ADAMTS2: variants seen among roughly 807,000 people sequenced by gnomAD.
The protein encoded by ADAMTS2 is A disintegrin and metalloproteinase with thrombospondin motifs 2.
In ADAMTS2, 50 loss-of-function variants were observed where a neutral mutation model predicts 123.0. The observed-to-expected ratio is 0.41, with a 90% confidence interval of 0.32 to 0.51. The LOEUF is 0.51. Among genes scored for constraint, ADAMTS2 ranks in the 20% least tolerant of loss-of-function variants. The pLI is 0.35. For missense variants in ADAMTS2, 1,494 were observed against 1,705.2 expected, an observed-to-expected ratio of 0.88 and a Z score of 2.18; for synonymous variants, 678 against 695.4, an observed-to-expected ratio of 0.98 and a Z score of 0.39.
rs1554126026 is a variant in ADAMTS2 at position 179,153,451 on chromosome 5, C to A, written c.1515+40G>T. The A allele has an allele frequency of 3.1e-6, 5 of 1,601,986 alleles. No homozygotes were observed. In the African/African-American group the frequency reaches 4.0e-5, roughly 13 times the overall value. ...GCCCCTACACCAGCACGCCTCCCCCCAGACCTGGGAGGGTCCCGGCTGCAG... is the reference window on the plus strand; with the variant it reads ...GCCCCTACACCAGCACGCCTCCCCCAAGACCTGGGAGGGTCCCGGCTGCAG... On this transcript the variant is annotated intron_variant, in intron 9 of 21. Transcript: ENST00000251582.
intron 2 of ADAMTS2, among the ~76,000 whole-genome samples, chr5:179,278,839 C>T (rs895625847): frequency 6.6e-6 from 1 of 151,826 alleles, no homozygotes; most frequent in Non-Finnish European, 1.5e-5. Flanking sequence ...CAACGCCTGC[C>T]CTGCCTCTTC....
chr5:179,214,424 C>A (rs1450017068), intron 3 of ADAMTS2, among the ~76,000 whole-genome samples: 1 of 152,134 alleles, frequency 6.6e-6, no homozygotes, highest in Non-Finnish European at 1.5e-5. Context: ...AGTAGAAAAC[C>A]TGAAGAAACC....
chr5:179,321,293 A>G (rs1757165353), intron 2 of ADAMTS2, among the ~76,000 whole-genome samples: 1 of 152,002 alleles, frequency 6.6e-6, no homozygotes, highest in Non-Finnish European at 1.5e-5. Context: ...ACTCACATCT[A>G]AGACTGCACA....
At chr5:179,179,928 T>C (rs1764009030) in intron 5 of ADAMTS2, among the ~76,000 whole-genome samples, 1 of 152,190 alleles carries the variant, frequency 6.6e-6, no homozygotes. Flanking sequence ...GATCCTATTA[T>C]GATTTGATTT....
Position 179,228,094 on chromosome 5 carries a change from G to T in ADAMTS2, c.689-20379C>A, listed in dbSNP as rs139614682. Among the ~76,000 whole-genome samples the T allele has an allele frequency of 2.5e-4, 38 of 152,270 alleles. No individual in the cohort carries two copies. Among genetic ancestry groups the T allele is most frequent in the Non-Finnish European group, 4.6e-4 (31 of 68,004 alleles). ...GGCGTGTTGGGCTGAGATTTCTGTG[G>T]GGACACAAGGACAGACACCCATGAG... On this transcript the variant is annotated intron_variant, in intron 3 of 21. Coordinates refer to ENST00000251582, the MANE Select transcript of ADAMTS2 (RefSeq NM_014244.5). The surrounding 1 kb of genome is among the most constrained non-coding windows in gnomAD (Gnocchi z 5.2).
chr5:179,169,570 CAGG>C (rs977720809), intron 5 of ADAMTS2, among the ~76,000 whole-genome samples: 1 of 152,150 alleles, frequency 6.6e-6, no homozygotes, highest in Non-Finnish European at 1.5e-5. Context: ...CCCAGATGCT[CAGG>C]AGGACAGGGG....
At chr5:179,201,631 C>CAAGAA (rs1764567552) in intron 4 of ADAMTS2, among the ~76,000 whole-genome samples, 1 of 91,912 alleles carries the variant, frequency 1.1e-5, no homozygotes, top group Non-Finnish European at 2.0e-5. Flanking sequence ...ACTAAAAATA[C>CAAGAA]AAAAAAAAAA....
chr5:179,271,273 T>C (rs759638720), intron 3 of ADAMTS2, among the ~76,000 whole-genome samples: 5 of 152,092 alleles, frequency 3.3e-5, no homozygotes, highest in African/African-American at 1.2e-4. Context: ...AAGCACCATA[T>C]GGAATCTGGG....
At chr5:179,254,607 G>A (rs1056049189) in intron 3 of ADAMTS2, among the ~76,000 whole-genome samples, 3 of 152,200 alleles carry the variant, frequency 2.0e-5, no homozygotes, top group Non-Finnish European at 4.4e-5. Flanking sequence ...TGAAGTCGGG[G>A]GGGCGTGCAG....
intron 3 of ADAMTS2, among the ~76,000 whole-genome samples, chr5:179,230,588 G>T (rs1765387900): frequency 6.6e-6 from 1 of 152,256 alleles, no homozygotes; most frequent in African/African-American, 2.4e-5. Flanking sequence ...ACTTCTGGGA[G>T]CGTGGATTTG....
chr5:179,159,889 G>C (rs1217973313), intron 5 of ADAMTS2, among the ~76,000 whole-genome samples: 1 of 152,142 alleles, frequency 6.6e-6, no homozygotes, highest in Non-Finnish European at 1.5e-5. Context: ...CAAAAGCAAG[G>C]CTTCTGTGAG....
intron 3 of ADAMTS2, among the ~76,000 whole-genome samples, chr5:179,240,547 G>A (rs990662030): frequency 5.3e-5 from 8 of 152,182 alleles, no homozygotes; most frequent in Non-Finnish European, 1.5e-5. Flanking sequence ...ACACTGCAAC[G>A]GATTATGCAG....
rs145323290 is a variant in ADAMTS2 at position 179,314,419 on chromosome 5, CCGTGGCGTGG to C, written c.534+29338_534+29347del. On this transcript the variant is annotated intron_variant, in intron 2 of 21. Coordinates refer to ENST00000251582, the MANE Select transcript of ADAMTS2 (RefSeq NM_014244.5). The surrounding 1 kb of genome is among the most constrained non-coding windows in gnomAD (Gnocchi z 4.5). ...CGGCAAGGCCAGGCTCCTCCCCACC[CCGTGGCGTGG>C]CGTGGCGTGGCCGGAATACTCAGTT... Among the ~76,000 whole-genome samples, 1 of 152,130 alleles carries C rather than the reference CCGTGGCGTGG, an allele frequency of 6.6e-6. No homozygotes were observed. The highest frequency in any genetic ancestry group is 2.4e-5 in the African/African-American group (1 of 41,406).
In ADAMTS2 at chr5:179,290,059, G is replaced by A. The variant is rs531188804; in HGVS notation, c.535-16995C>T. ...AATTCAGTGCAGTCTGGAGTGCTAC[G>A]GTTAGAATGTGACTGGTTTGTTCCC... On this transcript the variant is annotated intron_variant, in intron 2 of 21. Transcript: ENST00000251582. 7.6e-4 allele frequency among the ~76,000 whole-genome samples: 115 copies of A among 152,304 alleles called. 1 individual carries two copies. The Middle Eastern group carries it at 0.01, about 14-fold the overall frequency.
rs1337657782 is a variant in ADAMTS2, at chr5:179,306,409, A to C, written c.535-33345T>G. Among the ~76,000 whole-genome samples, 3 of 152,244 alleles carry C rather than the reference A, an allele frequency of 2.0e-5. No homozygotes were observed. The South Asian group carries it at 6.2e-4, about 31-fold the overall frequency. On this transcript the variant is annotated intron_variant, in intron 2 of 21. Coordinates refer to ENST00000251582, the MANE Select transcript of ADAMTS2 (RefSeq NM_014244.5). ...TAGAGAAAACCATATGATATGATTC[A>C]TTCATGACTAAAAATTAAAAACTCT...
rs553801228 is a variant in ADAMTS2, at chr5:179,189,497, G to A, written c.892-8342C>T. The stretch of plus-strand genomic sequence containing the variant: ...CGAGTAGCTGGGGCTACAGGCGCCC[G>A]CCAGTGCGCCTGGTTTTTTTTTTTT... On this transcript the variant is annotated intron_variant, in intron 4 of 21. Coordinates refer to ENST00000251582, the MANE Select transcript of ADAMTS2 (RefSeq NM_014244.5). The surrounding 1 kb of genome is among the most constrained non-coding windows in gnomAD (Gnocchi z 4.2). Among the ~76,000 whole-genome samples the A allele has an allele frequency of 4.8e-3, 666 of 137,954 alleles. 11 individuals carry two copies. Among genetic ancestry groups the A allele is most frequent in the African/African-American group, 0.016 (599 of 36,602 alleles). The allele number at this position is 137,954 out of a possible 152,430, so 90.5% of individuals were successfully genotyped here.
At position 179,273,029 on chromosome 5, in the gene ADAMTS2, G is replaced by A. The variant is rs1311294894; in HGVS notation, c.570C>T (p.Phe190=). 3 of 1,613,578 alleles carry A rather than the reference G, an allele frequency of 1.9e-6. No homozygotes were observed. In the South Asian group the frequency reaches 3.3e-5, roughly 18 times the overall value. The change falls in exon 3 of 22, where the codon TTC becomes TTT. Residue 190 remains phenylalanine, a synonymous_variant. Coordinates refer to ENST00000251582, the MANE Select transcript of ADAMTS2 (RefSeq NM_014244.5). ...GLIRMEEEEF[F]IEPLEKGLAA... ...CCAGCCCCTTCTCCAAGGGTTCGAT[G>A]AAGAACTCCTCCTCCTCCATCCGGA...
At chr5:179,143,429 GAAAAAAA>G (rs546474818) in intron 10 of ADAMTS2, among the ~76,000 whole-genome samples, 3 of 77,228 alleles carry the variant, frequency 3.9e-5, no homozygotes, top group African/African-American at 8.8e-5. Flanking sequence ...ACTCTGTCTC[GAAAAAAA>G]AAAAAAAAAA....
Position 179,275,528 on chromosome 5 carries a change from A to G in ADAMTS2, c.535-2464T>C, listed in dbSNP as rs1766670929. On this transcript the variant is annotated intron_variant, in intron 2 of 21. Coordinates refer to ENST00000251582, the MANE Select transcript of ADAMTS2 (RefSeq NM_014244.5). ...CTGGGGCTGGCTGGGCCCTGAATGC[A>G]GTCCTTGCCCACTTCCTTATGCCGG... 1.3e-5 allele frequency among the ~76,000 whole-genome samples: 2 copies of G among 152,176 alleles called. 1 individual carries two copies. Among genetic ancestry groups the G allele is most frequent in the South Asian group, 4.1e-4 (2 of 4,836 alleles).
Sources: gnomAD v4.1 joint callset for allele counts (sites outside exome capture counted in the v4.1 genomes callset) on GRCh38, gnomAD v4.1.1 for gene constraint, Gnocchi (gnomAD v3.1) non-coding constraint, MANE v1.5 for transcripts, NCBI Gene and HGNC (gene_info 2026-07-23, HGNC 2026-07-21) for gene names.